PTPRM: variants seen among roughly 807,000 people sequenced by gnomAD.
PTPRM encodes the protein receptor-type tyrosine-protein phosphatase mu.
PTPRM carries 47 observed loss-of-function variants against 186.7 expected under a neutral mutation model. The ratio of observed to expected loss-of-function variants is 0.25; its 90% CI spans 0.20 to 0.32. The LOEUF (loss-of-function observed/expected upper bound fraction) is 0.32, where lower values mean the gene tolerates loss of function less well. PTPRM is among the 10% of genes least tolerant of loss of function. The probability of loss-of-function intolerance (pLI) is 1.00; values close to 1 mark genes in which losing one functional copy is unlikely to be tolerated. For synonymous variants in PTPRM, 668 were observed against 674.9 expected (o/e 0.99, Z 0.16); for missense variants, 1,494 against 1,865.0 (o/e 0.80, Z 3.66).
chr18:7,707,638 CTAAATAA>C (rs1425708210), intron 1 of PTPRM, among the ~76,000 whole-genome samples: 2 of 151,966 alleles, frequency 1.3e-5, no homozygotes, highest in Non-Finnish European at 2.9e-5. Flanking sequence ...GGCCCTATCT[CTAAATAA>C]TAAATAATGA....
intron 23 of PTPRM, among the ~76,000 whole-genome samples, chr18:8,352,662 G>GTTGT (rs1568809743): frequency 1.1e-5 from 1 of 93,030 alleles, no homozygotes. Context: ...GGTTTTTTTT[G>GTTGT]TTTGTTTGTT....
chr18:7,960,450 CATATATATAT>C (rs71354579), intron 7 of PTPRM, among the ~76,000 whole-genome samples: 18,113 of 120,436 alleles, frequency 0.15, 1,520 homozygotes, highest in Non-Finnish European at 0.19. Flanking sequence ...ATATAGGCAA[CATATATATAT>C]ATATATATAT....
intron 2 of PTPRM, among the ~76,000 whole-genome samples, chr18:7,843,915 G>A (rs2046467312): frequency 6.6e-6 from 1 of 152,162 alleles, no homozygotes; most frequent in Non-Finnish European, 1.5e-5. Context: ...AATGTTGACT[G>A]TCAGGTGTGG....
intron 19 of PTPRM, among the ~76,000 whole-genome samples, chr18:8,290,592 G>A (rs1057228764): frequency 6.6e-6 from 1 of 152,146 alleles, no homozygotes; most frequent in African/African-American, 2.4e-5. Flanking sequence ...ATGACAGTAT[G>A]CAGGATGTTC....
intron 1 of PTPRM, among the ~76,000 whole-genome samples, chr18:7,635,439 C>G (rs2038289827): frequency 6.6e-6 from 1 of 152,118 alleles, no homozygotes; most frequent in African/African-American, 2.4e-5. Context: ...GTAGTTAGCA[C>G]CCAATAAATA....
intron 1 of PTPRM, among the ~76,000 whole-genome samples, chr18:7,575,054 A>G (rs1357090424): frequency 6.6e-6 from 1 of 152,204 alleles, no homozygotes; most frequent in East Asian, 1.9e-4. Context: ...AAAATAATGA[A>G]GATTTTTCTT....
intron 2 of PTPRM, among the ~76,000 whole-genome samples, chr18:7,831,766 C>T (rs1286760258): frequency 1.3e-5 from 2 of 152,166 alleles, no homozygotes; most frequent in South Asian, 2.1e-4. Context: ...CCACTTCCCT[C>T]CTAACCCCGC....
rs139920015 is a variant in PTPRM, at chr18:7,978,711, G to A, written c.1132+23297G>A. Among the ~76,000 whole-genome samples the A allele has an allele frequency of 3.0e-3, 450 of 152,054 alleles. 2 individuals carry two copies. Among genetic ancestry groups the A allele is most frequent in the African/African-American group, 0.011 (437 of 41,484 alleles). On this transcript the variant is annotated intron_variant, in intron 7 of 32. Coordinates refer to ENST00000580170, the MANE Select transcript of PTPRM (RefSeq NM_001105244.2). The stretch of plus-strand genomic sequence containing the variant: ...ATTCTATACTTTATCAATATTATAC[G>A]TGGCTCTTACTACATAATGATCAGT...
At chr18:8,280,160 C>T (rs376955541) in intron 19 of PTPRM, among the ~76,000 whole-genome samples, 9 of 152,158 alleles carry the variant, frequency 5.9e-5, no homozygotes, top group African/African-American at 1.7e-4. Context: ...ATCAAGGTGC[C>T]GGCATGGTTG....
chr18:7,795,558 G>C (rs879593196), intron 2 of PTPRM, among the ~76,000 whole-genome samples: 1 of 151,964 alleles, frequency 6.6e-6, no homozygotes, highest in Non-Finnish European at 1.5e-5. Context: ...GTTTGTGAGA[G>C]TGTTATGATG....
chr18:7,738,054 A>T (rs1268874417), intron 1 of PTPRM, among the ~76,000 whole-genome samples: 1 of 152,126 alleles, frequency 6.6e-6, no homozygotes, highest in East Asian at 1.9e-4. Context: ...ATAGACATAG[A>T]GTTTTATCAT....
Position 8,387,058 on chromosome 18 carries a change from C to T in PTPRM, c.4045-14C>T, listed in dbSNP as rs2095779864. On this transcript the variant is annotated splice_polypyrimidine_tract_variant and intron_variant, in intron 30 of 32. Coordinates refer to ENST00000580170, the MANE Select transcript of PTPRM (RefSeq NM_001105244.2). ...TTTCTTTCCACTCCCCGATTGTTGC[C>T]TTGTTCTTCGTAGCCCCAAGATGGA... 1 of 1,585,356 alleles carries T rather than the reference C, an allele frequency of 6.3e-7. No individual in the cohort carries two copies. Among genetic ancestry groups the T allele is most frequent in the Non-Finnish European group, 8.7e-7 (1 of 1,154,714 alleles).
chr18:7,653,277 G>T (rs2038765391), intron 1 of PTPRM, among the ~76,000 whole-genome samples: 1 of 151,906 alleles, frequency 6.6e-6, no homozygotes, highest in Non-Finnish European at 1.5e-5. Context: ...CTCCCAAGTA[G>T]CTGGGACCAC....
At chr18:7,833,602 C>A (rs1220636816) in intron 2 of PTPRM, among the ~76,000 whole-genome samples, 1 of 151,936 alleles carries the variant, frequency 6.6e-6, no homozygotes, top group Non-Finnish European at 1.5e-5. Flanking sequence ...GGCATGGTGG[C>A]AGGTGCCTAT....
At chr18:7,718,086 A>T (rs1208491862) in intron 1 of PTPRM, among the ~76,000 whole-genome samples, 2 of 143,556 alleles carry the variant, frequency 1.4e-5, no homozygotes, top group African/African-American at 4.9e-5. Context: ...TATGGAACCA[A>T]AAAAAAAGCC....
intron 7 of PTPRM, among the ~76,000 whole-genome samples, chr18:8,041,733 TAGG>T (rs2086705879): frequency 6.6e-6 from 1 of 152,198 alleles, no homozygotes; most frequent in Non-Finnish European, 1.5e-5. Context: ...TTGTGGCACC[TAGG>T]GTGCAGTGGG....
intron 14 of PTPRM, among the ~76,000 whole-genome samples, chr18:8,215,572 A>T (rs2094071544): frequency 7.4e-6 from 1 of 135,280 alleles, no homozygotes; most frequent in African/African-American, 2.8e-5. Context: ...TTTTTGAGAC[A>T]AGATCTGTCG....
intron 19 of PTPRM, among the ~76,000 whole-genome samples, chr18:8,279,920 G>A (rs1490691890): frequency 1.3e-5 from 2 of 152,140 alleles, no homozygotes; most frequent in East Asian, 1.9e-4. Context: ...ACTGGCTAGG[G>A]CACAGCAGGC....
intron 29 of PTPRM, among the ~76,000 whole-genome samples, chr18:8,380,931 AGGGTGACAG>A (rs1292781427): frequency 6.6e-6 from 1 of 152,228 alleles, no homozygotes; most frequent in Admixed American, 6.5e-5. Context: ...ATTGTCATGC[AGGGTGACAG>A]TGTCGGGGTG....
Sources: allele counts gnomAD v4.1 joint callset (sites outside exome capture counted in the v4.1 genomes callset), GRCh38; gene constraint gnomAD v4.1.1; transcripts MANE v1.5; gene names NCBI Gene and HGNC (gene_info 2026-07-23, HGNC 2026-07-21).